The following CDHR2 variants were observed in gnomAD, a reference collection of about 807,000 sequenced individuals.
CDHR2 encodes the protein cadherin related family member 2.
CDHR2 carries 104 observed loss-of-function variants against 138.6 expected under a neutral mutation model. The ratio of observed to expected loss-of-function variants is 0.75; its 90% confidence interval spans 0.64 to 0.88. CDHR2 has a LOEUF of 0.88. Ranked by LOEUF, CDHR2 falls within the 40% of genes least tolerant of loss-of-function variation. CDHR2 has a pLI of 0.00. For missense variants in CDHR2, 1,624 were observed against 1,727.6 expected (o/e 0.94, Z 1.06); for synonymous variants, 755 against 742.8 (o/e 1.02, Z -0.27).
chr5:176,551,835 G>A (rs1241605386), intron 1 of CDHR2, among the ~76,000 whole-genome samples: 1 of 150,952 alleles, frequency 6.6e-6, no homozygotes, highest in South Asian at 2.1e-4. Flanking sequence ...CCAAGTAGCT[G>A]GGACTACAGG....
In CDHR2 at chr5:176,584,819, TG is replaced by T; in HGVS notation, c.2539del (p.Val847Ter). Reference protein sequence around the residue: ...DTSAQLEIQLVNILCTKAGVD... With the variant: ...DTSAQLEIQLXNILCTKAGVD... ...CCAGTGCCCAGCTGGAGATACAGCTTGTGAACATTCTCTGCACCAAGGCCGG... is the reference window on the plus strand; with the variant it reads ...CCAGTGCCCAGCTGGAGATACAGCTTTGAACATTCTCTGCACCAAGGCCGG... On this transcript the variant is annotated frameshift_variant, in exon 19 of 32. Coordinates refer to ENST00000261944, the MANE Select transcript of CDHR2 (RefSeq NM_017675.6). LOFTEE classifies it high-confidence loss of function. 1 of 1,614,136 alleles carries T rather than the reference TG, an allele frequency of 6.2e-7. No homozygotes were observed.
In CDHR2 at chr5:176,575,134, T is replaced by C. The variant is rs991795389; in HGVS notation, c.546T>C (p.Asn182=). ...AGCATCTCTTCCGGATCCTGGCCAA[T>C]GGCTCCATAGTCCTCAATGGCAGCC... The part of the protein sequence containing the change: ...DSEHLFRILA[N]GSIVLNGSLS... Residue 182 remains asparagine, a synonymous_variant, in exon 8 of 32, where the codon AAT becomes AAC. Transcript: ENST00000261944. 4.3e-6 allele frequency: 7 copies of C among 1,614,176 alleles called. No homozygotes were observed. Among genetic ancestry groups the C allele is most frequent in the Non-Finnish European group, 5.9e-6 (7 of 1,180,032 alleles).
chr5:176,584,888 G>A lies in CDHR2; in HGVS notation c.2607G>A (p.Ala869=), dbSNP rs4868660. 620,583 of 1,613,176 alleles carry A rather than the reference G, an allele frequency of 0.38. 127,630 individuals are homozygous for A. Among genetic ancestry groups the A allele is most frequent in the Non-Finnish European group, 0.43 (502,619 of 1,179,492 alleles). The change falls in exon 19 of 32, where the codon GCG becomes GCA. Residue 869 remains alanine (A), a synonymous_variant. Transcript: ENST00000261944. ...TATGCTGGGGCTGGTTCTCAGTGGC[G>A]GCCAACGGCTCTGTGTACATCAACC... The part of the protein sequence containing the change: ...GSLCWGWFSV[A]ANGSVYINQS...
At chr5:176,591,680 A>G (rs1398245090) in intron 30 of CDHR2, 196 bp downstream of exon 30, 1 of 549,672 alleles carries the variant, frequency 1.8e-6, no homozygotes, top group African/African-American at 2.0e-5. Context: ...AGTGGTGATG[A>G]TGACAACAAT....
chr5:176,542,747 A>G (rs1245096904), exon 1 of CDHR2: 5 of 152,272 alleles, frequency 3.3e-5, no homozygotes, highest in African/African-American at 9.7e-5. Context: ...CGGACCCCGC[A>G]GCGTTCCGAC....
At chr5:176,544,385 TC>T (rs1757536364), upstream of CDHR2, among the ~76,000 whole-genome samples, 1 of 144,908 alleles carries the variant, frequency 6.9e-6, no homozygotes, top group African/African-American at 2.5e-5. Context: ...CTTTTTTTCT[TC>T]CTTTTTTTCT....
chr5:176,560,333 T>C (rs1360277622), intron 1 of CDHR2, among the ~76,000 whole-genome samples: 5 of 151,374 alleles, frequency 3.3e-5, no homozygotes, highest in Non-Finnish European at 7.4e-5. Flanking sequence ...GGGGTGGAGG[T>C]TGCAGTGAGC....
At chr5:176,567,064 A>C (rs939492683) in intron 3 of CDHR2, 3 of 455,208 alleles carry the variant, frequency 6.6e-6, no homozygotes, top group Non-Finnish European at 1.3e-5. Flanking sequence ...TATTTCCATC[A>C]CCCCAGAAAG....
intron 3 of CDHR2, chr5:176,567,195 G>C (rs918391222): frequency 2.3e-5 from 8 of 347,284 alleles, no homozygotes; most frequent in African/African-American, 1.3e-4. Flanking sequence ...TTGAGACAGG[G>C]TCTGGCTCTG....
At chr5:176,571,862 C>G (rs1758243551) in intron 6 of CDHR2, among the ~76,000 whole-genome samples, 1 of 152,072 alleles carries the variant, frequency 6.6e-6, no homozygotes, top group Admixed American at 6.6e-5. Flanking sequence ...TTTAGAGGTA[C>G]CTCAGACTTC....
intron 19 of CDHR2, 59 bp from the exon 20 acceptor site, chr5:176,585,895 C>T: frequency 7.4e-7 from 1 of 1,352,378 alleles, no homozygotes; most frequent in South Asian, 1.2e-5. Flanking sequence ...GGGTTGAGGC[C>T]CAGGCTCTTT....
intron 20 of CDHR2, 149 bp from the exon 21 acceptor site, chr5:176,586,644 C>G (rs912129752): frequency 1.5e-6 from 1 of 653,774 alleles, no homozygotes; most frequent in African/African-American, 1.8e-5. Flanking sequence ...TAACTACTGG[C>G]CCAGTGGTGG....
intron 30 of CDHR2, 135 bp downstream of exon 30, chr5:176,591,619 T>G: frequency 3.6e-6 from 1 of 280,238 alleles, no homozygotes; most frequent in Non-Finnish European, 8.2e-6. Flanking sequence ...GTGGTAGTTA[T>G]GGTGGTGGTG....
intron 5 of CDHR2, among the ~76,000 whole-genome samples, chr5:176,569,840 A>G (rs2113286428): frequency 6.6e-6 from 1 of 152,234 alleles, no homozygotes; most frequent in East Asian, 1.9e-4. Flanking sequence ...CACGCTTGTA[A>G]TTCCAACTAC....
rs770729681 is a variant in CDHR2, at chr5:176,591,427, C to T, written c.3677C>T (p.Pro1226Leu). 1.2e-6 allele frequency: 2 copies of T among 1,613,912 alleles called. No homozygotes were observed. Among genetic ancestry groups the T allele is most frequent in the Admixed American group, 1.7e-5 (1 of 60,016 alleles). The change falls in exon 30 of 32, where the codon CCC becomes CTC. Residue 1226 changes from proline to leucine, a missense_variant. Transcript: ENST00000261944. ...AGAGCCAACCCCATGCTGAACCTCC[C>T]CAACAAAGACCTGGGCTTGGAGTAC... ...TERANPMLNL[P>L]NKDLGLEYLS...
intron 1 of CDHR2, among the ~76,000 whole-genome samples, chr5:176,561,596 G>A (rs1172921985): frequency 1.3e-5 from 2 of 151,834 alleles, no homozygotes; most frequent in Admixed American, 6.6e-5. Flanking sequence ...TCCTGTGGGA[G>A]CATTGAGGGC....
intron 1 of CDHR2, among the ~76,000 whole-genome samples, chr5:176,552,509 G>A (rs1757728700): frequency 6.6e-6 from 1 of 152,240 alleles, no homozygotes; most frequent in Non-Finnish European, 1.5e-5. Flanking sequence ...GGCAGGCAGT[G>A]TGTCCTGCAG....
At position 176,595,647 on chromosome 5, in the gene CDHR2, C is replaced by T; in HGVS notation, c.3908C>T (p.Ala1303Val). The T allele has an allele frequency of 6.2e-7, 1 of 1,607,030 alleles. No homozygotes were observed. Residue 1303 changes from alanine to valine, a missense_variant, in exon 32 of 32, where the codon GCT becomes GTT. Ala to Val is a moderately conservative substitution (Grantham distance 64, BLOSUM62 0). Coordinates refer to ENST00000261944, the MANE Select transcript of CDHR2 (RefSeq NM_017675.6). ...CTGGAGGGGCCATCCTACACCAACG[C>T]TGGCCTGGACACCACGGACCTGTGA... ...GQLEGPSYTN[A>V]GLDTTDL
intron 31 of CDHR2, among the ~76,000 whole-genome samples, chr5:176,595,327 A>G (rs891309897): frequency 6.6e-6 from 1 of 151,640 alleles, no homozygotes; most frequent in Non-Finnish European, 1.5e-5. Flanking sequence ...CCCAGGCCAC[A>G]CCCTCCCCCT....
Sources: allele counts gnomAD v4.1 joint callset (sites outside exome capture counted in the v4.1 genomes callset), GRCh38; gene constraint gnomAD v4.1.1; transcripts MANE v1.5; gene names NCBI Gene and HGNC (gene_info 2026-07-23, HGNC 2026-07-21).